DTWD1: variants seen among roughly 807,000 people sequenced by gnomAD.
DTWD1 encodes DTW motif tRNA-uridine aminocarboxypropyltransferase 1.
In DTWD1, 27 loss-of-function variants were observed where a neutral mutation model predicts 30.2. The observed-to-expected ratio is 0.90, with a 90% confidence interval of 0.66 to 1.23. The LOEUF is 1.23. Ranked by LOEUF, DTWD1 falls within the 50% of genes most tolerant of loss-of-function variation. DTWD1 has a pLI of 0.00. For missense variants in DTWD1, 342 were observed against 348.8 expected (o/e 0.98, Z 0.15); for synonymous variants, 99 against 113.1 (o/e 0.88, Z 0.79).
chr15:49,636,200 A>G (rs961266328), intron 4 of DTWD1, among the ~76,000 whole-genome samples: 1 of 152,136 alleles, frequency 6.6e-6, no homozygotes, highest in African/African-American at 2.4e-5. Context: ...TTTATTGCCA[A>G]GTAGTATTTC....
At position 49,632,273 on chromosome 15, in the gene DTWD1, A is replaced by G; in HGVS notation, c.379A>G (p.Ile127Val). Residue 127 changes from isoleucine to valine, a missense_variant, in exon 3 of 5, where the codon ATT becomes GTT. Ile to Val is a conservative substitution (Grantham distance 29). Transcript: ENST00000403028. The part of the protein sequence containing the change: ...EFVNIYTYPC[I>V]PEYEEKDHEV... ...TGTAAACATTTACACGTATCCGTGT[A>G]TTCCAGAATATGAAGAAAAGGACCA... The G allele has an allele frequency of 2.5e-6, 4 of 1,588,100 alleles. No individual in the cohort carries two copies. The highest frequency in any genetic ancestry group is 2.6e-6 in the Non-Finnish European group (3 of 1,174,160).
chr15:49,652,606 A>T lies in DTWD1; in HGVS notation c.*9028A>T, dbSNP rs774758680. On this transcript the variant is annotated 3_prime_UTR_variant, in exon 5 of 5. Coordinates refer to ENST00000403028, the MANE Select transcript of DTWD1 (RefSeq NM_001144955.2). ...GGATGAGGGGATGTGACAAGTATTG[A>T]TGGCATTCCCAAGCCCCACTGCAGC... is the stretch of plus-strand genomic sequence containing the variant. 2.6e-5 allele frequency: 4 copies of T among 152,332 alleles called. No individual in the cohort carries two copies. In the South Asian group the frequency reaches 8.3e-4, roughly 32 times the overall value. 9.4% of individuals were successfully genotyped at this position (152,332 alleles called of 1,614,324 possible). A position where few individuals can be genotyped will look rare whatever the true frequency, so the allele number is the denominator to read the frequency against.
In DTWD1 at chr15:49,644,093, T is replaced by G. The variant is rs1382283235; in HGVS notation, c.*515T>G. Reference sequence around the variant, plus strand: ...CTAAGGTTGTTAAAAGCAGAGACTCTGGAGCTAGACTACCTGAATCTAAAT... The same window carrying G: ...CTAAGGTTGTTAAAAGCAGAGACTCGGGAGCTAGACTACCTGAATCTAAAT... On this transcript the variant is annotated 3_prime_UTR_variant, in exon 5 of 5. Coordinates refer to ENST00000403028, the MANE Select transcript of DTWD1 (RefSeq NM_001144955.2). 6.6e-6 allele frequency: 1 copy of G among 152,210 alleles called. No homozygotes were observed. Among genetic ancestry groups the G allele is most frequent in the East Asian group, 1.9e-4 (1 of 5,204 alleles). The allele number at this position is 152,210 out of a possible 1,614,324, so 9.4% of individuals were successfully genotyped here.
intron 2 of DTWD1, among the ~76,000 whole-genome samples, chr15:49,631,542 C>T (rs1025814656): frequency 3.3e-5 from 5 of 152,202 alleles, no homozygotes; most frequent in South Asian, 2.1e-4. Context: ...GCAGGCAGAT[C>T]GCTTGAGGTC....
chr15:49,626,718 A>AG (rs1156520226), intron 2 of DTWD1: 4 of 435,518 alleles, frequency 9.2e-6, no homozygotes, highest in Non-Finnish European at 1.9e-5. Flanking sequence ...GAGTACTTTG[A>AG]CACTCATATT....
At chr15:49,625,637 C>T (rs533906347) in intron 2 of DTWD1, 39 of 535,030 alleles carry the variant, frequency 7.3e-5, no homozygotes, top group African/African-American at 6.3e-4. Context: ...TGCGCCTGAT[C>T]GCAAGAGCAC....
Position 49,648,335 on chromosome 15 carries a change from C to T in DTWD1, c.*4757C>T, listed in dbSNP as rs2153354599. ...TTCATTTTTGAGACAGAGTCTCACT[C>T]TTGTCTCCCAGGCTGCAGTGCAGTG... On this transcript the variant is annotated 3_prime_UTR_variant, in exon 5 of 5. Coordinates refer to ENST00000403028, the MANE Select transcript of DTWD1 (RefSeq NM_001144955.2). 1 of 152,284 alleles carries T rather than the reference C, an allele frequency of 6.6e-6. No individual in the cohort carries two copies. Among genetic ancestry groups the T allele is most frequent in the Non-Finnish European group, 1.5e-5 (1 of 68,022 alleles). 9.4% of individuals were successfully genotyped at this position (152,284 alleles called of 1,614,324 possible). A position where few individuals can be genotyped will look rare whatever the true frequency, so the allele number is the denominator to read the frequency against.
intron 3 of DTWD1, among the ~76,000 whole-genome samples, chr15:49,633,045 A>ATC (rs1555588592): frequency 0.014 from 1,418 of 99,738 alleles, 9 homozygotes; most frequent in Non-Finnish European, 0.021. Context: ...ATTTATATCT[A>ATC]TATCTATATA....
At chr15:49,642,079 T>G (rs532778659) in intron 4 of DTWD1, among the ~76,000 whole-genome samples, 1 of 152,268 alleles carries the variant, frequency 6.6e-6, no homozygotes, top group Non-Finnish European at 1.5e-5. Context: ...CATTTGATCC[T>G]CCATATCTCT....
intron 2 of DTWD1, 97 bp downstream of exon 2, chr15:49,625,528 T>C (rs1189965767): frequency 1.7e-6 from 2 of 1,205,776 alleles, no homozygotes; most frequent in Non-Finnish European, 2.3e-6. Flanking sequence ...ATAAATAATG[T>C]TATTATTGTT....
intron 2 of DTWD1, among the ~76,000 whole-genome samples, chr15:49,625,774 C>G (rs756276713): frequency 8.6e-5 from 13 of 152,000 alleles, no homozygotes; most frequent in Admixed American, 5.9e-4. Context: ...TAAAATTTTC[C>G]AAATAGGGTA....
At chr15:49,642,477 A>G (rs2079076829) in intron 4 of DTWD1, among the ~76,000 whole-genome samples, 2 of 152,200 alleles carry the variant, frequency 1.3e-5, no homozygotes, top group Admixed American at 6.6e-5. Flanking sequence ...GCTAAAACAA[A>G]CAAGCAAACA....
In DTWD1 at chr15:49,643,541, G is replaced by T; in HGVS notation, c.878G>T (p.Cys293Phe). The T allele has an allele frequency of 6.2e-7, 1 of 1,602,598 alleles. No homozygotes were observed. Among genetic ancestry groups the T allele is most frequent in the African/African-American group, 1.3e-5 (1 of 74,338 alleles). The change falls in exon 5 of 5, where the codon TGC (cysteine) becomes TTC (phenylalanine). Residue 293 changes from cysteine to phenylalanine, a missense_variant. Coordinates refer to ENST00000403028, the MANE Select transcript of DTWD1 (RefSeq NM_001144955.2). Reference sequence around the variant, plus strand: ...TACCAGTTGATAAAGAATGCCAAATGCTCTGGAGATAAGGAAACAGGAAAA... The same window carrying T: ...TACCAGTTGATAAAGAATGCCAAATTCTCTGGAGATAAGGAAACAGGAAAA... ...FMYQLIKNAK[C>F]SGDKETGKLT...
At chr15:49,624,017 T>G (rs1461188730) in intron 1 of DTWD1, among the ~76,000 whole-genome samples, 1 of 151,834 alleles carries the variant, frequency 6.6e-6, no homozygotes, top group African/African-American at 2.4e-5. Flanking sequence ...TATCTCTTTA[T>G]TTGTATCTCA....
intron 1 of DTWD1, among the ~76,000 whole-genome samples, chr15:49,622,091 A>G (rs955024755): frequency 2.0e-5 from 3 of 152,194 alleles, no homozygotes; most frequent in African/African-American, 7.2e-5. Flanking sequence ...AGTTTGTCAG[A>G]TACTTCAGTA....
In DTWD1 at chr15:49,648,138, A is replaced by G. The variant is rs926904444; in HGVS notation, c.*4560A>G. 6.6e-6 allele frequency: 1 copy of G among 152,210 alleles called. No individual in the cohort carries two copies. Among genetic ancestry groups the G allele is most frequent in the Admixed American group, 6.5e-5 (1 of 15,272 alleles). The allele number at this position is 152,210 out of a possible 1,614,324, so 9.4% of individuals were successfully genotyped here. ...AAGGAGAAGGTTGGAGATTATTTGT[A>G]TACCAACTACTTAAGTTTACAAAAA... On this transcript the variant is annotated 3_prime_UTR_variant, in exon 5 of 5. Coordinates refer to ENST00000403028, the MANE Select transcript of DTWD1 (RefSeq NM_001144955.2).
Position 49,651,451 on chromosome 15 carries a change from T to C in DTWD1, c.*7873T>C, listed in dbSNP as rs889532518. 6.6e-6 allele frequency: 1 copy of C among 152,110 alleles called. No homozygotes were observed. The highest frequency in any genetic ancestry group is 2.4e-5 in the African/African-American group (1 of 41,428). 9.4% of individuals were successfully genotyped at this position (152,110 alleles called of 1,614,324 possible). A position where few individuals can be genotyped will look rare whatever the true frequency, so the allele number is the denominator to read the frequency against. ...ACCCAGTGCTAGCACAGTGGGCACA[T>C]GAATGGAATGTCCACTGTGGAAAGG... On this transcript the variant is annotated 3_prime_UTR_variant, in exon 5 of 5. Transcript: ENST00000403028.
At chr15:49,622,892 G>A (rs1035556231) in intron 1 of DTWD1, among the ~76,000 whole-genome samples, 6 of 152,192 alleles carry the variant, frequency 3.9e-5, no homozygotes, top group Admixed American at 3.3e-4. Context: ...ACAGGTATTT[G>A]TGGTGGTTGA....
chr15:49,650,304 C>A lies in DTWD1; in HGVS notation c.*6726C>A, dbSNP rs1207494904. On this transcript the variant is annotated 3_prime_UTR_variant, in exon 5 of 5. Transcript: ENST00000403028. ...TAAGCAAATGAGTGACAGGATCTGA[C>A]TTATATTTTTAAAGGATTATTTGGC... The A allele has an allele frequency of 6.6e-6, 1 of 151,914 alleles. No homozygotes were observed. The highest frequency in any genetic ancestry group is 6.6e-5 in the Admixed American group (1 of 15,220). The allele number at this position is 151,914 out of a possible 1,614,324, so 9.4% of individuals were successfully genotyped here.
Sources: allele counts gnomAD v4.1 joint callset (sites outside exome capture counted in the v4.1 genomes callset), GRCh38; gene constraint gnomAD v4.1.1; transcripts MANE v1.5; gene names NCBI Gene and HGNC (gene_info 2026-07-23, HGNC 2026-07-21).